ARHGAP29: variants seen among roughly 807,000 people sequenced by gnomAD.
ARHGAP29 encodes the protein rho GTPase-activating protein 29.
Under a neutral mutation model 122.6 loss-of-function variants are expected in ARHGAP29, and 43 were observed. The observed-to-expected ratio is 0.35, with a 90% CI of 0.27 to 0.45. The LOEUF (loss-of-function observed/expected upper bound fraction) is 0.45, where lower values mean the gene tolerates loss of function less well. Ranked by LOEUF, ARHGAP29 falls within the 20% of genes least tolerant of loss-of-function variation. ARHGAP29 has a pLI of 1.00. For synonymous variants in ARHGAP29, 506 were observed against 497.1 expected, an observed-to-expected ratio of 1.02 and a Z score of -0.24; for missense variants, 1,303 against 1,477.2, an observed-to-expected ratio of 0.88 and a Z score of 1.93.
chr1:94,301,839 C>G, the ARHGAP29 span, among the ~76,000 whole-genome samples: 1 of 152,144 alleles, frequency 6.6e-6, no homozygotes, highest in Non-Finnish European at 1.5e-5. Context: ...CAAATCCTAG[C>G]TCTTTCTCTT....
At chr1:94,202,419 G>T in intron 11 of ARHGAP29, 125 bp downstream of exon 11, 1 of 1,129,144 alleles carries the variant, frequency 8.9e-7, no homozygotes. Context: ...AACTCTGGGG[G>T]ATGGGCTTAG....
intron 3 of ARHGAP29, among the ~76,000 whole-genome samples, chr1:94,219,304 T>C (rs903924899): frequency 2.0e-5 from 3 of 152,114 alleles, no homozygotes; most frequent in Non-Finnish European, 2.9e-5. Context: ...CTGTTAGGTG[T>C]TTCTCCAATT....
At chr1:94,271,210 C>A (rs1654980366) in intron 1 of ARHGAP29, among the ~76,000 whole-genome samples, 1 of 152,208 alleles carries the variant, frequency 6.6e-6, no homozygotes, top group South Asian at 2.1e-4. Context: ...CCACATGGGT[C>A]TCTATAGGAG....
intron 1 of ARHGAP29, among the ~76,000 whole-genome samples, chr1:94,234,479 C>G (rs1373462797): frequency 6.6e-6 from 1 of 152,082 alleles, no homozygotes; most frequent in Non-Finnish European, 1.5e-5. Context: ...TATTATTGCT[C>G]CTCCTGATTA....
At chr1:94,248,744 T>C (rs1653942812) in intron 1 of ARHGAP29, among the ~76,000 whole-genome samples, 1 of 152,248 alleles carries the variant, frequency 6.6e-6, no homozygotes, top group Non-Finnish European at 1.5e-5. Context: ...TGCTCTGTGC[T>C]CAGGCTGGAG....
chr1:94,250,059 A>G (rs1382933651), intron 1 of ARHGAP29, among the ~76,000 whole-genome samples: 1 of 152,056 alleles, frequency 6.6e-6, no homozygotes, highest in Non-Finnish European at 1.5e-5. Context: ...AGAACCAAAT[A>G]TGATGGTCAC....
chr1:94,220,354 G>T lies in ARHGAP29; in HGVS notation c.244C>A (p.Leu82Met), dbSNP rs1425649735. 9 of 1,609,972 alleles carry T rather than the reference G, an allele frequency of 5.6e-6. No homozygotes were observed. The Admixed American group carries it at 1.5e-4, about 27-fold the overall frequency. The change falls in exon 3 of 23, where the codon CTG becomes ATG. Residue 82 changes from leucine (L) to methionine (M), a missense_variant. Transcript: ENST00000260526. The stretch of plus-strand genomic sequence containing the variant: ...ATTATAGACTTTAAAACACGGAGCA[G>T]TTCCTCTAGACGTATATGAATAACT... ...KEVIHIRLEE[L>M]LRVLKSIMNK...
At chr1:94,224,859 T>C (rs1652522482) in intron 2 of ARHGAP29, among the ~76,000 whole-genome samples, 1 of 152,166 alleles carries the variant, frequency 6.6e-6, no homozygotes, top group African/African-American at 2.4e-5. Context: ...ATCTTGAAGT[T>C]GTCCCCAACT....
chr1:94,219,480 C>T (rs1387955506), intron 3 of ARHGAP29, among the ~76,000 whole-genome samples: 1 of 152,204 alleles, frequency 6.6e-6, no homozygotes, highest in Admixed American at 6.5e-5. Flanking sequence ...CTGTGTCGTT[C>T]TGTCAAACTG....
At chr1:94,257,489 C>T (rs763590971) in intron 1 of ARHGAP29, among the ~76,000 whole-genome samples, 15 of 152,112 alleles carry the variant, frequency 9.9e-5, no homozygotes, top group Non-Finnish European at 1.9e-4. Context: ...GGGAGGACTG[C>T]TTGAACCCAG....
chr1:94,267,694 C>T (rs1370977474), intron 1 of ARHGAP29, among the ~76,000 whole-genome samples: 6 of 152,112 alleles, frequency 3.9e-5, no homozygotes, highest in Non-Finnish European at 8.8e-5. Flanking sequence ...GGAATCGTAT[C>T]CTGACCTGGC....
chr1:94,189,029 A>T, intron 14 of ARHGAP29, 88 bp from the exon 15 acceptor site: 1 of 1,419,798 alleles, frequency 7.0e-7, no homozygotes, highest in Non-Finnish European at 9.7e-7. Flanking sequence ...AGACAATTCA[A>T]ATTTCTTTAA....
chr1:94,293,333 G>A, the ARHGAP29 span, among the ~76,000 whole-genome samples: 1 of 152,222 alleles, frequency 6.6e-6, no homozygotes. Flanking sequence ...AAGACCATGG[G>A]AAAAGCACAG....
chr1:94,209,869 TA>T (rs1335029113), intron 3 of ARHGAP29, among the ~76,000 whole-genome samples: 3 of 150,378 alleles, frequency 2.0e-5, no homozygotes, highest in South Asian at 4.2e-4. Context: ...CACATCACAT[TA>T]AAAAAAAACA....
In ARHGAP29 at chr1:94,170,821, G is replaced by A. The variant is rs1648690342; in HGVS notation, c.*3048C>T. Among the ~76,000 whole-genome samples, 1 of 152,088 alleles carries A rather than the reference G, an allele frequency of 6.6e-6. No homozygotes were observed. The highest frequency in any genetic ancestry group is 1.5e-5 in the Non-Finnish European group (1 of 68,012). On this transcript the variant is annotated 3_prime_UTR_variant, in exon 23 of 23. Transcript: ENST00000260526. ...CTAACATTTTCTCCATCAAGATCTT[G>A]TACATCTTTTGTTAGACTTATTCTT...
chr1:94,220,487 T>G, intron 2 of ARHGAP29, 95 bp from the exon 3 acceptor site: 1 of 1,162,496 alleles, frequency 8.6e-7, no homozygotes, highest in Non-Finnish European at 1.2e-6. Context: ...AGTAGAAGCA[T>G]TGGTTACACA....
chr1:94,243,434 A>G (rs1287429265), intron 1 of ARHGAP29, among the ~76,000 whole-genome samples: 1 of 152,084 alleles, frequency 6.6e-6, no homozygotes, highest in African/African-American at 2.4e-5. Flanking sequence ...ATTATAAAAT[A>G]TAACTTTAAA....
chr1:94,228,293 A>G (rs1411219694), intron 2 of ARHGAP29, among the ~76,000 whole-genome samples: 4 of 151,770 alleles, frequency 2.6e-5, no homozygotes, highest in Admixed American at 1.3e-4. Context: ...ATATAATTTG[A>G]AAACAAATAC....
chr1:94,186,069 T>C (rs1649783852), intron 16 of ARHGAP29, among the ~76,000 whole-genome samples: 1 of 152,176 alleles, frequency 6.6e-6, no homozygotes, highest in Admixed American at 6.5e-5. Flanking sequence ...GGTAACTGAT[T>C]TAACTTTATC....
Sources: gnomAD v4.1 joint callset for allele counts (sites outside exome capture counted in the v4.1 genomes callset) on GRCh38, gnomAD v4.1.1 for gene constraint, MANE v1.5 for transcripts, NCBI Gene and HGNC (gene_info 2026-07-23, HGNC 2026-07-21) for gene names.